UBXN2A: variants seen among roughly 807,000 people sequenced by gnomAD.
UBXN2A encodes UBX domain protein 2A, also known as UBX domain-containing protein 2A.
UBXN2A carries 28 observed loss-of-function variants against 28.4 expected under a neutral mutation model. The ratio of observed to expected loss-of-function variants is 0.99; its 90% CI spans 0.73 to 1.35. The LOEUF is 1.35. UBXN2A is among the 40% of genes most tolerant of loss of function. UBXN2A has a pLI of 0.00. For missense variants in UBXN2A, 253 were observed against 297.9 expected (o/e 0.85, Z 1.11); for synonymous variants, 97 against 103.6 (o/e 0.94, Z 0.39).
In UBXN2A at chr2:23,984,697, A is replaced by G; in HGVS notation, c.450A>G (p.Lys150=). 1 of 1,541,048 alleles carries G rather than the reference A, an allele frequency of 6.5e-7. No homozygotes were observed. The highest frequency in any genetic ancestry group is 8.7e-7 in the Non-Finnish European group (1 of 1,153,934). ...LGSATPKIVS[K]AKNIEVENKN... ...GTGCCACACCAAAAATTGTTTCTAA[A>G]GCAAAGAATATTGAAGTTGAAAATA... The change falls in exon 6 of 7, where the codon AAA becomes AAG. Residue 150 remains lysine, a synonymous_variant. Transcript: ENST00000309033.
At chr2:23,998,817 T>A (rs535568182) in intron 6 of UBXN2A, among the ~76,000 whole-genome samples, 44 of 152,160 alleles carry the variant, frequency 2.9e-4, no homozygotes, top group African/African-American at 9.9e-4. Context: ...GCAACCTTCG[T>A]CTCCCGCGAT....
intron 2 of UBXN2A, among the ~76,000 whole-genome samples, chr2:23,959,535 T>A (rs1465384792): frequency 2.0e-5 from 3 of 152,076 alleles, no homozygotes; most frequent in Non-Finnish European, 4.4e-5. Flanking sequence ...TGAAGTTGTG[T>A]CAGAGGTCTC....
chr2:23,979,799 G>T (rs1707821794), intron 4 of UBXN2A, among the ~76,000 whole-genome samples: 1 of 151,904 alleles, frequency 6.6e-6, no homozygotes, highest in Admixed American at 6.6e-5. Context: ...TCAAACTCCT[G>T]ATCTCAAGCA....
chr2:23,992,289 A>C (rs1216362898), intron 6 of UBXN2A, among the ~76,000 whole-genome samples: 3 of 152,094 alleles, frequency 2.0e-5, no homozygotes, highest in Admixed American at 2.0e-4. Flanking sequence ...TATTTTTAGT[A>C]GAGACAGGGT....
chr2:23,976,512 G>A (rs1021211073), intron 3 of UBXN2A, among the ~76,000 whole-genome samples: 1 of 152,136 alleles, frequency 6.6e-6, no homozygotes, highest in Non-Finnish European at 1.5e-5. Context: ...ACATGGCTGG[G>A]GAGGTCTCAT....
intron 1 of UBXN2A, among the ~76,000 whole-genome samples, chr2:23,957,745 A>T (rs1220027336): frequency 6.6e-6 from 1 of 152,128 alleles, no homozygotes; most frequent in Non-Finnish European, 1.5e-5. Flanking sequence ...GAGGCAGGAG[A>T]ATCTCTGGAA....
intron 6 of UBXN2A, among the ~76,000 whole-genome samples, chr2:23,986,269 C>G (rs1708126379): frequency 6.6e-6 from 1 of 151,982 alleles, no homozygotes; most frequent in Non-Finnish European, 1.5e-5. Flanking sequence ...GAGATTGCGC[C>G]ACTGCACCCC....
chr2:23,944,402 T>G (rs1705935991), intron 1 of UBXN2A: 1 of 1,226,738 alleles, frequency 8.2e-7, no homozygotes, highest in Non-Finnish European at 1.2e-6. Flanking sequence ...TATTCACCCA[T>G]CTTTCAGTTT....
At chr2:23,937,567 C>T (rs571555178), upstream of UBXN2A, among the ~76,000 whole-genome samples, 45 of 152,090 alleles carry the variant, frequency 3.0e-4, no homozygotes, top group African/African-American at 1.1e-3. Context: ...TTGTTAGATA[C>T]AAGATCAACA....
At chr2:23,934,364 GC>G (rs1432983311) in intron 1 of UBXN2A, among the ~76,000 whole-genome samples, 1 of 152,212 alleles carries the variant, frequency 6.6e-6, no homozygotes, top group African/African-American at 2.4e-5. Flanking sequence ...GTTGCTAGTA[GC>G]CAATGTGTTG....
intron 6 of UBXN2A, among the ~76,000 whole-genome samples, chr2:23,985,243 T>TTTTA (rs765089208): frequency 7.9e-4 from 119 of 151,494 alleles, no homozygotes; most frequent in Middle Eastern, 3.4e-3. Flanking sequence ...CTGCCAAGCA[T>TTTTA]TTTATTTATT....
intron 6 of UBXN2A, among the ~76,000 whole-genome samples, chr2:23,997,743 G>A (rs1708595592): frequency 6.6e-6 from 1 of 151,784 alleles, no homozygotes; most frequent in Non-Finnish European, 1.5e-5. Context: ...ACCGTACCCG[G>A]CCTCTAAAGC....
At chr2:23,982,260 A>AAG (rs893780153) in intron 4 of UBXN2A, among the ~76,000 whole-genome samples, 2 of 151,682 alleles carry the variant, frequency 1.3e-5, no homozygotes, top group African/African-American at 4.8e-5. Context: ...CCAGCTACTT[A>AAG]GGAGGCTGAG....
intron 1 of UBXN2A, chr2:23,944,263 G>A (rs1705924601): frequency 3.7e-6 from 6 of 1,604,632 alleles, no homozygotes; most frequent in Non-Finnish European, 5.1e-6. Context: ...TGGGACCTAG[G>A]AAAAGGCCTG....
chr2:23,934,839 C>T (rs1415063281), intron 1 of UBXN2A, among the ~76,000 whole-genome samples: 1 of 152,068 alleles, frequency 6.6e-6, no homozygotes, highest in African/African-American at 2.4e-5. Flanking sequence ...TTTGGGAGCC[C>T]AAGGTGGGCA....
chr2:23,933,146 T>C (rs1264873650), intron 1 of UBXN2A, among the ~76,000 whole-genome samples: 2 of 151,092 alleles, frequency 1.3e-5, no homozygotes, highest in Non-Finnish European at 3.0e-5. Context: ...AAAGGAGAGA[T>C]TAAAAAGAAC....
chr2:23,973,391 T>G (rs1163818315), intron 3 of UBXN2A, among the ~76,000 whole-genome samples: 2 of 150,478 alleles, frequency 1.3e-5, no homozygotes, highest in Non-Finnish European at 3.0e-5. Flanking sequence ...CAGGCTGGAG[T>G]GCAGTGGTGC....
At chr2:23,968,508 C>T (rs1223893001) in intron 2 of UBXN2A, among the ~76,000 whole-genome samples, 1 of 151,872 alleles carries the variant, frequency 6.6e-6, no homozygotes, top group Non-Finnish European at 1.5e-5. Context: ...CCTGTCTCTA[C>T]TGAAAATACA....
intron 1 of UBXN2A, among the ~76,000 whole-genome samples, chr2:23,933,277 C>T (rs1705429502): frequency 6.6e-6 from 1 of 151,966 alleles, no homozygotes; most frequent in Non-Finnish European, 1.5e-5. Flanking sequence ...GAGGCCAAGG[C>T]AGGCGGATCA....
Sources: gnomAD v4.1 joint callset for allele counts (sites outside exome capture counted in the v4.1 genomes callset) on GRCh38, gnomAD v4.1.1 for gene constraint, MANE v1.5 for transcripts, NCBI Gene and HGNC (gene_info 2026-07-23, HGNC 2026-07-21) for gene names.